The following SOX5 variants were observed in gnomAD, a reference collection of about 807,000 sequenced individuals.
SOX5 encodes the protein SRY-box transcription factor 5, also known as transcription factor SOX-5.
SOX5 carries 9 observed loss-of-function variants against 92.0 expected under a neutral mutation model. The ratio of observed to expected loss-of-function variants is 0.10; its 90% CI spans 0.06 to 0.17. The LOEUF (loss-of-function observed/expected upper bound fraction) is 0.17, where lower values mean the gene tolerates loss of function less well. SOX5 is among the 10% of genes least tolerant of loss of function. The pLI, the probability that SOX5 is intolerant of heterozygous loss-of-function variation, is 1.00. For synonymous variants in SOX5, 344 were observed against 336.3 expected (o/e 1.02, Z -0.25); for missense variants, 642 against 944.5 (o/e 0.68, Z 4.20).
At chr12:23,645,271 G>A (rs954061694) in intron 7 of SOX5, among the ~76,000 whole-genome samples, 4 of 152,034 alleles carry the variant, frequency 2.6e-5, no homozygotes, top group East Asian at 1.9e-4. Context: ...GAGACCTTTC[G>A]GATAGGGTGA....
rs565816200 is a variant in SOX5 at position 24,491,134 on chromosome 12, C to T, written c.-251+71195G>A. 4.6e-5 allele frequency among the ~76,000 whole-genome samples: 7 copies of T among 152,120 alleles called. No individual in the cohort carries two copies. In the East Asian group the frequency reaches 1.2e-3, roughly 25 times the overall value. On this transcript the variant is annotated intron_variant, in intron 1 of 4. Coordinates refer to the SOX5 transcript ENST00000446891. ...CCTGGGTGGTAGCCATTCATGCTGG[C>T]TTGTGTGTGCTTGGAGTGAAGGGCC...
intron 1 of SOX5, among the ~76,000 whole-genome samples, chr12:23,904,327 C>T (rs1164295117): frequency 6.8e-6 from 1 of 147,594 alleles, no homozygotes; most frequent in Admixed American, 6.6e-5. Context: ...TTTCTTCCCA[C>T]ATACAAAAAC....
At chr12:24,039,178 C>G (rs1956302634) in intron 4 of SOX5, among the ~76,000 whole-genome samples, 1 of 152,110 alleles carries the variant, frequency 6.6e-6, no homozygotes, top group Admixed American at 6.5e-5. Context: ...GTTTTCCCAA[C>G]ACATGTGAGT....
intron 1 of SOX5, among the ~76,000 whole-genome samples, chr12:24,525,809 C>A (rs368215327): frequency 2.0e-5 from 3 of 151,684 alleles, no homozygotes; most frequent in Non-Finnish European, 2.9e-5. Context: ...GAGCCGAGAT[C>A]GCGCCACTGC....
chr12:24,214,312 T>C (rs1427040847), intron 3 of SOX5, among the ~76,000 whole-genome samples: 1 of 152,124 alleles, frequency 6.6e-6, no homozygotes, highest in African/African-American at 2.4e-5. Flanking sequence ...AATTTAATTA[T>C]TGATTTCTGG....
chr12:23,752,263 C>A (rs2094204673), intron 4 of SOX5, among the ~76,000 whole-genome samples: 1 of 151,704 alleles, frequency 6.6e-6, no homozygotes, highest in African/African-American at 2.4e-5. Flanking sequence ...GGAAATAAAC[C>A]AGGCTCTAAA....
chr12:24,245,517 T>A (rs1321625716), intron 3 of SOX5, among the ~76,000 whole-genome samples: 6 of 152,124 alleles, frequency 3.9e-5, no homozygotes, highest in Non-Finnish European at 8.8e-5. Flanking sequence ...GATCTTAAAT[T>A]TGTCCTAAAT....
At chr12:24,246,308 GAAGTAA>G (rs909567889) in intron 3 of SOX5, among the ~76,000 whole-genome samples, 1 of 149,670 alleles carries the variant, frequency 6.7e-6, no homozygotes, top group African/African-American at 2.5e-5. Context: ...AAGATTGTTG[GAAGTAA>G]AAGATTTTAT....
intron 4 of SOX5, among the ~76,000 whole-genome samples, chr12:24,180,029 C>T (rs186002717): frequency 2.1e-4 from 32 of 151,898 alleles, no homozygotes; most frequent in Admixed American, 6.6e-4. Flanking sequence ...ACTGCATCCT[C>T]GACCTCCCAG....
At position 24,258,016 on chromosome 12, in the gene SOX5, A is replaced by T. The variant is rs1343811017; in HGVS notation, c.-77+19200T>A. On this transcript the variant is annotated intron_variant, in intron 3 of 4. Transcript: ENST00000446891. Reference sequence around the variant, plus strand: ...GGTGAAACCCCGTCTCTACTAAAATAAAAAAAATTAGCTGGGCGCGGTGGC... The same window carrying T: ...GGTGAAACCCCGTCTCTACTAAAATTAAAAAAATTAGCTGGGCGCGGTGGC... 3.3e-5 allele frequency among the ~76,000 whole-genome samples: 5 copies of T among 151,792 alleles called. No homozygotes were observed. In the East Asian group the frequency reaches 9.8e-4, roughly 30 times the overall value.
intron 1 of SOX5, among the ~76,000 whole-genome samples, chr12:24,515,936 C>T (rs1597491928): frequency 6.6e-6 from 1 of 152,038 alleles, no homozygotes; most frequent in Admixed American, 6.6e-5. Context: ...TTTATCCTTG[C>T]GTAGGCTTCC....
intron 6 of SOX5, among the ~76,000 whole-genome samples, chr12:23,705,132 T>C (rs1163829441): frequency 2.0e-5 from 3 of 151,906 alleles, no homozygotes; most frequent in Non-Finnish European, 4.4e-5. Context: ...CTGCAGAAAG[T>C]TTGGTAACTT....
chr12:23,778,577 T>C (rs1045170145), intron 3 of SOX5, among the ~76,000 whole-genome samples: 13 of 152,198 alleles, frequency 8.5e-5, no homozygotes, highest in African/African-American at 3.1e-4. Flanking sequence ...ACGAAGGATC[T>C]TGAATAGCAT....
At chr12:24,109,252 T>C (rs11047263) in intron 4 of SOX5, among the ~76,000 whole-genome samples, 33,003 of 152,064 alleles carry the variant, frequency 0.22, 3,767 homozygotes, top group Admixed American at 0.28. Flanking sequence ...GGAGATCAGA[T>C]ATATAGTAGC....
chr12:23,921,157 C>G (rs915574153), intron 1 of SOX5, among the ~76,000 whole-genome samples: 1 of 152,036 alleles, frequency 6.6e-6, no homozygotes, highest in African/African-American at 2.4e-5. Flanking sequence ...CCCTGTGCTG[C>G]CAAGGAAGCC....
At chr12:24,126,564 A>G (rs1198712136) in intron 4 of SOX5, among the ~76,000 whole-genome samples, 1 of 152,184 alleles carries the variant, frequency 6.6e-6, no homozygotes, top group African/African-American at 2.4e-5. Context: ...CGGCATCTCC[A>G]CCACCTCCAT....
chr12:24,068,698 GTGTGTGTATATATATATATATATA>G (rs1386741808), intron 4 of SOX5, among the ~76,000 whole-genome samples: 29 of 56,402 alleles, frequency 5.1e-4, no homozygotes, highest in Admixed American at 2.6e-3. Flanking sequence ...GTGTGTGTGT[GTGTGTGTATATATATATATATATA>G]TATATATATA....
At chr12:23,706,607 TA>T (rs1354463193) in intron 6 of SOX5, among the ~76,000 whole-genome samples, 1 of 152,060 alleles carries the variant, frequency 6.6e-6, no homozygotes, top group Non-Finnish European at 1.5e-5. Context: ...TCATGGTGAA[TA>T]TTTTTAGTAC....
chr12:24,429,591 T>C (rs2137036078), intron 1 of SOX5, among the ~76,000 whole-genome samples: 1 of 151,668 alleles, frequency 6.6e-6, no homozygotes, highest in South Asian at 2.1e-4. Flanking sequence ...CTTTCTAAGC[T>C]ATTTTCCTGG....
Sources: allele counts gnomAD v4.1 joint callset (sites outside exome capture counted in the v4.1 genomes callset), GRCh38; gene constraint gnomAD v4.1.1; transcripts MANE v1.5; gene names NCBI Gene and HGNC (gene_info 2026-07-23, HGNC 2026-07-21).